The following RUSC2 variants were observed in gnomAD, a reference collection of about 807,000 sequenced individuals.
RUSC2 encodes RUN and SH3 domain containing 2, also known as AP-4 complex accessory subunit RUSC2.
Under a neutral mutation model 122.2 loss-of-function variants are expected in RUSC2, and 34 were observed. The ratio of observed to expected loss-of-function variants is 0.28; its 90% CI spans 0.21 to 0.37. RUSC2 has a LOEUF of 0.37. Ranked by LOEUF, RUSC2 falls within the 10% of genes least tolerant of loss-of-function variation. RUSC2 has a pLI of 1.00. For synonymous variants in RUSC2, 784 were observed against 790.0 expected (o/e 0.99, Z 0.13); for missense variants, 1,747 against 1,952.4 (o/e 0.89, Z 1.98).
intron 1 of RUSC2, among the ~76,000 whole-genome samples, chr9:35,498,596 C>T (rs1478634237): frequency 6.6e-6 from 1 of 151,250 alleles, no homozygotes; most frequent in Non-Finnish European, 1.5e-5. Context: ...CGGTGGCTCA[C>T]GCCTGTGATC....
Position 35,559,414 on chromosome 9 carries a change from C to A in RUSC2, c.3388+142C>A. On this transcript the variant is annotated intron_variant, in intron 9 of 11. Coordinates refer to ENST00000361226, the MANE Select transcript of RUSC2 (RefSeq NM_014806.5). ...CATCCTCAGAGCCTCAGGCTTCCAC[C>A]CAAGGCCTTCCCCAGCCTCTGCTTG... 3 of 731,052 alleles carry A rather than the reference C, an allele frequency of 4.1e-6. No individual in the cohort carries two copies. The East Asian group carries it at 8.0e-5, about 19-fold the overall frequency. The allele number at this position is 731,052 out of a possible 1,614,324, so 45.3% of individuals were successfully genotyped here.
Position 35,558,712 on chromosome 9 carries a change from A to G in RUSC2, c.3341+145A>G. The G allele has an allele frequency of 1.5e-6, 1 of 676,772 alleles. No individual in the cohort carries two copies. The highest frequency in any genetic ancestry group is 2.6e-6 in the Non-Finnish European group (1 of 383,490). The allele number at this position is 676,772 out of a possible 1,614,324, so 41.9% of individuals were successfully genotyped here. On this transcript the variant is annotated intron_variant, in intron 8 of 11. Coordinates refer to ENST00000361226, the MANE Select transcript of RUSC2 (RefSeq NM_014806.5). The surrounding 1 kb of genome is among the most constrained non-coding windows in gnomAD (Gnocchi z 4.3). ...CCTCAGCCCGCTATGGCCTCTCAGTAGGTCACTGCCTCCCCACTGTGCCCA... is the reference window on the plus strand; with the variant it reads ...CCTCAGCCCGCTATGGCCTCTCAGTGGGTCACTGCCTCCCCACTGTGCCCA...
chr9:35,508,861 A>C (rs1385411061), intron 1 of RUSC2, among the ~76,000 whole-genome samples: 7 of 152,202 alleles, frequency 4.6e-5, no homozygotes, highest in African/African-American at 1.7e-4. Context: ...AGACAGAAAG[A>C]ATACAAGTAC....
intron 1 of RUSC2, among the ~76,000 whole-genome samples, chr9:35,513,230 T>TTGTTGC (rs934401099): frequency 6.8e-6 from 1 of 147,718 alleles, no homozygotes; most frequent in Admixed American, 6.8e-5. Flanking sequence ...GTTGTTGTTG[T>TTGTTGC]TGCTTGAGAC....
chr9:35,561,299 G>A lies in RUSC2; in HGVS notation c.4468G>A (p.Gly1490Ser). ...AGGAGACTGGCTGCGCTGCAGCCGT[G>A]GCCCCGACTCTGGCCTGGTGCCCCT... ...AGGDWLRCSRGPDSGLVPLAY... is the reference protein window; with the variant it reads ...AGGDWLRCSRSPDSGLVPLAY... The change falls in exon 12 of 12, where the codon GGC becomes AGC. Residue 1490 changes from glycine (G) to serine (S), a missense_variant. By Grantham distance (56) the Gly-to-Ser change is moderately conservative. Coordinates refer to ENST00000361226, the MANE Select transcript of RUSC2 (RefSeq NM_014806.5). 1 of 1,614,164 alleles carries A rather than the reference G, an allele frequency of 6.2e-7. No individual in the cohort carries two copies.
At chr9:35,537,354 C>T (rs948550489) in intron 1 of RUSC2, among the ~76,000 whole-genome samples, 3 of 152,204 alleles carry the variant, frequency 2.0e-5, no homozygotes, top group African/African-American at 4.8e-5. Context: ...TATCCAACCC[C>T]GCTTTGTGGT....
chr9:35,554,111 C>T (rs1432917273), intron 2 of RUSC2, among the ~76,000 whole-genome samples: 2 of 152,150 alleles, frequency 1.3e-5, no homozygotes, highest in African/African-American at 4.8e-5. Flanking sequence ...TTCACCAGGG[C>T]TTTAGGCCGG....
At chr9:35,543,515 A>C (rs998351391) in intron 1 of RUSC2, among the ~76,000 whole-genome samples, 4 of 152,254 alleles carry the variant, frequency 2.6e-5, no homozygotes, top group Admixed American at 6.5e-5. Flanking sequence ...GAATAAAATT[A>C]AAAATAATCC....
intron 1 of RUSC2, among the ~76,000 whole-genome samples, chr9:35,531,886 C>T (rs1180603197): frequency 6.6e-6 from 1 of 152,050 alleles, no homozygotes; most frequent in Admixed American, 6.6e-5. Context: ...ATTAGCCAGG[C>T]GTGGTGGCGG....
Position 35,507,018 on chromosome 9 carries a change from G to A in RUSC2, c.-93+16846G>A, listed in dbSNP as rs114920388. On this transcript the variant is annotated intron_variant, in intron 1 of 11. Transcript: ENST00000361226. ...CTGTAGTCCCAGCTACTTGGGAGGC[G>A]AGGTGGGAGGATCATTTGAGCCTAG... Among the ~76,000 whole-genome samples the A allele has an allele frequency of 3.1e-3, 474 of 152,154 alleles. 1 individual carries two copies. Among genetic ancestry groups the A allele is most frequent in the African/African-American group, 0.011 (438 of 41,514 alleles).
At position 35,546,962 on chromosome 9, in the gene RUSC2, G is replaced by T; in HGVS notation, c.441G>T (p.Gln147His). Residue 147 changes from glutamine to histidine, a missense_variant, in exon 2 of 12, where the codon CAG becomes CAT. Coordinates refer to ENST00000361226, the MANE Select transcript of RUSC2 (RefSeq NM_014806.5). The surrounding 1 kb of genome is among the most constrained non-coding windows in gnomAD (Gnocchi z 4.3). ...GQPNFHLSSF[Q>H]LPPSGPRVGR... ...CCAACTTTCATCTATCCTCTTTCCA[G>T]CTGCCACCATCTGGCCCCAGAGTGG... is the stretch of plus-strand genomic sequence containing the variant. 1 of 1,580,520 alleles carries T rather than the reference G, an allele frequency of 6.3e-7. No homozygotes were observed. Among genetic ancestry groups the T allele is most frequent in the Non-Finnish European group, 8.6e-7 (1 of 1,162,160 alleles).
At position 35,547,565 on chromosome 9, in the gene RUSC2, C is replaced by T; in HGVS notation, c.1044C>T (p.Gly348=). 1 of 1,614,202 alleles carries T rather than the reference C, an allele frequency of 6.2e-7. No individual in the cohort carries two copies. Among genetic ancestry groups the T allele is most frequent in the South Asian group, 1.1e-5 (1 of 91,086 alleles). Residue 348 remains glycine (G), a synonymous_variant, in exon 2 of 12, where the codon GGC becomes GGT. Transcript: ENST00000361226. The surrounding 1 kb of genome is among the most constrained non-coding windows in gnomAD (Gnocchi z 4.6). ...CTGAAAGTGGAGGAAGGGAAGGGGGCTATGGTTGCCCTCATGCCTCTTCTC... is the reference window on the plus strand; with the variant it reads ...CTGAAAGTGGAGGAAGGGAAGGGGGTTATGGTTGCCCTCATGCCTCTTCTC... The part of the protein sequence containing the change: ...HHPESGGREG[G]YGCPHASSPE...
intron 9 of RUSC2, 77 bp from the exon 10 acceptor site, chr9:35,559,952 C>T: frequency 7.9e-7 from 1 of 1,266,594 alleles, no homozygotes; most frequent in Non-Finnish European, 1.1e-6. Flanking sequence ...CAGCTCTGCC[C>T]AGACTGTCTT....
intron 1 of RUSC2, among the ~76,000 whole-genome samples, chr9:35,533,246 C>CAAAA (rs67387968): frequency 3.3e-5 from 4 of 122,954 alleles, no homozygotes; most frequent in Non-Finnish European, 7.1e-5. Flanking sequence ...GACTCTGTCT[C>CAAAA]AAAAAAAAAA....
chr9:35,546,370 G>C lies in RUSC2; in HGVS notation c.-92-60G>C. On this transcript the variant is annotated intron_variant, in intron 1 of 11. Transcript: ENST00000361226. This position sits in a 1 kb window ranked among gnomAD's most constrained non-coding sequence, Gnocchi z 4.3. Reference sequence around the variant, plus strand: ...CCATCTGAAAATGATGTAGGGAAGGGCATGCCCCTGACTTCCAGGGAGGTG... The same window carrying C: ...CCATCTGAAAATGATGTAGGGAAGGCCATGCCCCTGACTTCCAGGGAGGTG... The C allele has an allele frequency of 4.4e-6, 2 of 451,892 alleles. No homozygotes were observed. Among genetic ancestry groups the C allele is most frequent in the Non-Finnish European group, 7.4e-6 (2 of 271,680 alleles). The allele number at this position is 451,892 out of a possible 1,614,324, so 28.0% of individuals were successfully genotyped here.
At chr9:35,506,648 C>T (rs956187887) in intron 1 of RUSC2, among the ~76,000 whole-genome samples, 3 of 152,136 alleles carry the variant, frequency 2.0e-5, no homozygotes, top group Non-Finnish European at 4.4e-5. Context: ...TATAGCCTGG[C>T]ACCCAGGATG....
chr9:35,500,139 C>T (rs1820794578), intron 1 of RUSC2, among the ~76,000 whole-genome samples: 1 of 118,722 alleles, frequency 8.4e-6, no homozygotes, highest in South Asian at 2.5e-4. Context: ...TCAGACGTTT[C>T]TGCCTTACTG....
chr9:35,502,064 G>A (rs1820826193), intron 1 of RUSC2, among the ~76,000 whole-genome samples: 1 of 151,826 alleles, frequency 6.6e-6, no homozygotes, highest in African/African-American at 2.4e-5. Flanking sequence ...CTACACATGT[G>A]CTTCTCAAAC....
intron 1 of RUSC2, among the ~76,000 whole-genome samples, chr9:35,539,782 A>G (rs573895468): frequency 1.3e-5 from 2 of 152,276 alleles, no homozygotes; most frequent in African/African-American, 4.8e-5. Flanking sequence ...AGACCTAAGC[A>G]TAAGCTAACA....
Sources: gnomAD v4.1 joint callset for allele counts (sites outside exome capture counted in the v4.1 genomes callset) on GRCh38, gnomAD v4.1.1 for gene constraint, Gnocchi (gnomAD v3.1) non-coding constraint, MANE v1.5 for transcripts, NCBI Gene and HGNC (gene_info 2026-07-23, HGNC 2026-07-21) for gene names.